The following FGGY variants were observed in gnomAD, a reference collection of about 807,000 sequenced individuals.
FGGY encodes FGGY carbohydrate kinase domain-containing protein.
FGGY carries 72 observed loss-of-function variants against 71.3 expected under a neutral mutation model. The observed-to-expected ratio is 1.01, with a 90% CI of 0.84 to 1.23. The LOEUF (loss-of-function observed/expected upper bound fraction) is 1.23, where lower values mean the gene tolerates loss of function less well. FGGY is among the 50% of genes most tolerant of loss of function. FGGY has a pLI of 0.00. For missense variants in FGGY, 668 were observed against 682.3 expected, an observed-to-expected ratio of 0.98 and a Z score of 0.23; for synonymous variants, 251 against 250.3, an observed-to-expected ratio of 1.00 and a Z score of -0.02.
At chr1:59,713,106 C>G (rs1054709760) in intron 14 of FGGY, among the ~76,000 whole-genome samples, 12 of 152,186 alleles carry the variant, frequency 7.9e-5, no homozygotes, top group Admixed American at 7.9e-4. Flanking sequence ...TTACAAATCT[C>G]TAGGGCAGGG....
chr1:59,536,073 G>A (rs1388413118), intron 7 of FGGY, among the ~76,000 whole-genome samples: 1 of 151,382 alleles, frequency 6.6e-6, no homozygotes, highest in Non-Finnish European at 1.5e-5. Flanking sequence ...CAACAAAATT[G>A]ATAGACCTCT....
intron 14 of FGGY, among the ~76,000 whole-genome samples, chr1:59,711,941 C>G (rs190991606): frequency 2.0e-5 from 3 of 152,296 alleles, no homozygotes; most frequent in Non-Finnish European, 4.4e-5. Flanking sequence ...GCCTTCCCAA[C>G]AATCCCCCAA....
intron 10 of FGGY, 99 bp downstream of exon 10, chr1:59,626,148 T>C (rs923467611): frequency 1.2e-5 from 11 of 889,034 alleles, no homozygotes; most frequent in Non-Finnish European, 2.0e-5. Context: ...CTACAGACAA[T>C]GAAAATGCCT....
At chr1:59,622,356 G>A (rs2096818971) in intron 9 of FGGY, among the ~76,000 whole-genome samples, 1 of 152,016 alleles carries the variant, frequency 6.6e-6, no homozygotes, top group Non-Finnish European at 1.5e-5. Flanking sequence ...TCCTCAATAT[G>A]TATAATGATT....
At chr1:59,375,739 G>A (rs1219072924) in intron 4 of FGGY, among the ~76,000 whole-genome samples, 2 of 152,146 alleles carry the variant, frequency 1.3e-5, no homozygotes, top group East Asian at 3.8e-4. Context: ...TATTCCCAGT[G>A]TCTCTTTTTG....
At chr1:59,643,885 CT>C (rs901504934) in intron 11 of FGGY, among the ~76,000 whole-genome samples, 4 of 152,176 alleles carry the variant, frequency 2.6e-5, no homozygotes, top group African/African-American at 9.7e-5. Context: ...GAACAGTGAC[CT>C]GCCCAAAGTC....
chr1:59,492,419 G>A (rs1332311712), intron 6 of FGGY, among the ~76,000 whole-genome samples: 1 of 152,114 alleles, frequency 6.6e-6, no homozygotes, highest in Non-Finnish European at 1.5e-5. Context: ...TGGATGGCTT[G>A]TTTAGAAGGG....
intron 14 of FGGY, among the ~76,000 whole-genome samples, chr1:59,742,166 A>G (rs1284555544): frequency 6.6e-6 from 1 of 152,158 alleles, no homozygotes; most frequent in Non-Finnish European, 1.5e-5. Flanking sequence ...TCTCATGGTC[A>G]AGGATGCTTT....
chr1:59,607,788 C>T lies in FGGY; in HGVS notation c.904-15C>T, dbSNP rs571961605. ...AGAGTCAATGTTTTCACATATTTTC[C>T]ATCTTTCTTTCCAGATCAGCAAAGA... On this transcript the variant is annotated splice_polypyrimidine_tract_variant and intron_variant, in intron 8 of 15. Transcript: ENST00000303721. 1 of 1,601,194 alleles carries T rather than the reference C, an allele frequency of 6.2e-7. No homozygotes were observed. The highest frequency in any genetic ancestry group is 1.1e-5 in the South Asian group (1 of 90,530).
intron 7 of FGGY, among the ~76,000 whole-genome samples, chr1:59,522,521 A>G (rs1487996601): frequency 6.6e-6 from 1 of 152,214 alleles, no homozygotes; most frequent in Admixed American, 6.5e-5. Context: ...TTATTAGATC[A>G]GGGTAGGAAT....
intron 7 of FGGY, among the ~76,000 whole-genome samples, chr1:59,535,158 C>T (rs1278769609): frequency 2.0e-5 from 3 of 151,492 alleles, no homozygotes; most frequent in Non-Finnish European, 4.4e-5. Flanking sequence ...AAATGGAAAA[C>T]AAAAAAAGGC....
chr1:59,670,822 C>G (rs974919521), intron 13 of FGGY, among the ~76,000 whole-genome samples: 2 of 152,192 alleles, frequency 1.3e-5, no homozygotes, highest in African/African-American at 4.8e-5. Flanking sequence ...TTGGGAAATG[C>G]TGTCTACATG....
chr1:59,453,328 C>A (rs961864561), intron 5 of FGGY, among the ~76,000 whole-genome samples: 1 of 152,156 alleles, frequency 6.6e-6, no homozygotes, highest in African/African-American at 2.4e-5. Context: ...TTGTAAAGAC[C>A]AAGACATCCC....
intron 8 of FGGY, 107 bp downstream of exon 8, chr1:59,554,334 C>G: frequency 1.3e-6 from 1 of 760,794 alleles, no homozygotes; most frequent in Non-Finnish European, 2.1e-6. Context: ...CCTCTTTTCC[C>G]TGCCTGCCCC....
chr1:59,686,670 T>C (rs2097546724), intron 14 of FGGY, among the ~76,000 whole-genome samples: 1 of 152,136 alleles, frequency 6.6e-6, no homozygotes, highest in Non-Finnish European at 1.5e-5. Flanking sequence ...TCTCCAGAAA[T>C]TGAGAGGAGT....
At chr1:59,456,234 T>C (rs561981062) in intron 5 of FGGY, among the ~76,000 whole-genome samples, 53 of 152,318 alleles carry the variant, frequency 3.5e-4, no homozygotes, top group Non-Finnish European at 6.9e-4. Flanking sequence ...ATGTATCTTA[T>C]ACAAACATTT....
At chr1:59,647,169 G>C (rs1214072908) in intron 11 of FGGY, among the ~76,000 whole-genome samples, 1 of 152,176 alleles carries the variant, frequency 6.6e-6, no homozygotes, top group Admixed American at 6.5e-5. Context: ...GAGGACCAAG[G>C]ATAGAGTCCA....
intron 5 of FGGY, among the ~76,000 whole-genome samples, chr1:59,445,754 A>G (rs1158815700): frequency 6.6e-6 from 1 of 152,244 alleles, no homozygotes; most frequent in African/African-American, 2.4e-5. Context: ...AGGAGATAAC[A>G]GACAAGAAAA....
intron 5 of FGGY, among the ~76,000 whole-genome samples, chr1:59,446,206 C>T (rs1214695002): frequency 1.3e-5 from 2 of 152,240 alleles, no homozygotes; most frequent in East Asian, 3.9e-4. Context: ...GGCTTCATCA[C>T]GATCTTGGAA....
Sources: allele counts gnomAD v4.1 joint callset (sites outside exome capture counted in the v4.1 genomes callset), GRCh38; gene constraint gnomAD v4.1.1; transcripts MANE v1.5; gene names NCBI Gene and HGNC (gene_info 2026-07-23, HGNC 2026-07-21).